Variants in MACROD2 observed in about 807,000 individuals in gnomAD.
The protein encoded by MACROD2 is mono-ADP ribosylhydrolase 2.
MACROD2 carries 36 observed loss-of-function variants against 70.4 expected under a neutral mutation model. The ratio of observed to expected loss-of-function variants is 0.51; its 90% CI spans 0.39 to 0.68. The LOEUF is 0.68. MACROD2 is among the 30% of genes least tolerant of loss of function. MACROD2 has a pLI of 0.00. For missense variants in MACROD2, 496 were observed against 538.4 expected, an observed-to-expected ratio of 0.92 and a Z score of 0.78; for synonymous variants, 172 against 178.8, an observed-to-expected ratio of 0.96 and a Z score of 0.30.
At chr20:14,078,638 C>T (rs1442767059) in intron 2 of MACROD2, among the ~76,000 whole-genome samples, 4 of 151,088 alleles carry the variant, frequency 2.6e-5, no homozygotes, top group African/African-American at 7.3e-5. Flanking sequence ...GAACTCCTGA[C>T]GTCAGGTGAT....
In MACROD2 at chr20:15,362,798, T is replaced by C. The variant is rs567296135; in HGVS notation, c.541-68607T>C. Among the ~76,000 whole-genome samples the C allele has an allele frequency of 2.0e-5, 3 of 152,228 alleles. No individual in the cohort carries two copies. The South Asian group carries it at 6.2e-4, about 32-fold the overall frequency. ...TTATTAAAAATTAGTCATTCTTGCATAATAAACAACCATTTAATCTGGTGA... is the reference window on the plus strand; with the variant it reads ...TTATTAAAAATTAGTCATTCTTGCACAATAAACAACCATTTAATCTGGTGA... On this transcript the variant is annotated intron_variant, in intron 6 of 17. Coordinates refer to ENST00000684519, the MANE Select transcript of MACROD2 (RefSeq NM_001351661.2).
chr20:14,970,584 A>T (rs111652356), intron 5 of MACROD2, among the ~76,000 whole-genome samples: 1 of 152,206 alleles, frequency 6.6e-6, no homozygotes, highest in Non-Finnish European at 1.5e-5. Context: ...TATGAAAACT[A>T]TGAATAATGT....
chr20:14,315,931 A>G (rs1006332218), intron 3 of MACROD2, among the ~76,000 whole-genome samples: 1 of 152,220 alleles, frequency 6.6e-6, no homozygotes, highest in Non-Finnish European at 1.5e-5. Context: ...TGTACTCTGA[A>G]TATAACATAA....
At chr20:14,911,498 C>A (rs982510896) in intron 5 of MACROD2, among the ~76,000 whole-genome samples, 1 of 152,050 alleles carries the variant, frequency 6.6e-6, no homozygotes, top group African/African-American at 2.4e-5. Flanking sequence ...CTGCCTCAGC[C>A]TCCCATGTAG....
intron 3 of MACROD2, among the ~76,000 whole-genome samples, chr20:14,394,206 A>G (rs2083557459): frequency 6.6e-6 from 1 of 152,164 alleles, no homozygotes; most frequent in Non-Finnish European, 1.5e-5. Flanking sequence ...TTTAAGGAAA[A>G]TTGACATCTT....
chr20:14,680,533 C>T (rs915494619), intron 4 of MACROD2, among the ~76,000 whole-genome samples: 1 of 152,018 alleles, frequency 6.6e-6, no homozygotes, highest in African/African-American at 2.4e-5. Flanking sequence ...ATTTTACCTG[C>T]CTGCTAGAAC....
intron 5 of MACROD2, among the ~76,000 whole-genome samples, chr20:15,214,835 C>T (rs2076795179): frequency 6.6e-6 from 1 of 152,152 alleles, no homozygotes; most frequent in Non-Finnish European, 1.5e-5. Context: ...CTATTGATAT[C>T]ATGTGCTGCG....
At chr20:16,041,047 C>A (rs1420597713) in intron 15 of MACROD2, among the ~76,000 whole-genome samples, 154 bp from the exon 16 acceptor site, 2 of 151,964 alleles carry the variant, frequency 1.3e-5, no homozygotes, top group Non-Finnish European at 2.9e-5. Context: ...GCAACTCAAC[C>A]CTCTGTTTCC....
rs572593088 is a variant in MACROD2, at chr20:15,857,675, A to T, written c.646-5070A>T. 9.8e-4 allele frequency among the ~76,000 whole-genome samples: 149 copies of T among 152,352 alleles called. 1 individual carries two copies. In the Middle Eastern group the frequency reaches 0.017, roughly 17 times the overall value. On this transcript the variant is annotated intron_variant, in intron 8 of 17. Coordinates refer to ENST00000684519, the MANE Select transcript of MACROD2 (RefSeq NM_001351661.2). Reference sequence around the variant, plus strand: ...TGGAAATTTCTCTGTGGCCAGCCCTAACCCAGAACCATTCAGAGAAATGCA... The same window carrying T: ...TGGAAATTTCTCTGTGGCCAGCCCTTACCCAGAACCATTCAGAGAAATGCA...
intron 2 of MACROD2, among the ~76,000 whole-genome samples, chr20:14,032,493 G>T (rs2053257429): frequency 6.6e-6 from 1 of 152,086 alleles, no homozygotes; most frequent in South Asian, 2.1e-4. Context: ...ATTTGCCAGT[G>T]GGGGGTAAAG....
chr20:14,265,247 C>T (rs1008362966), intron 3 of MACROD2, among the ~76,000 whole-genome samples: 1 of 152,124 alleles, frequency 6.6e-6, no homozygotes, highest in Non-Finnish European at 1.5e-5. Flanking sequence ...ATTCTTTCTA[C>T]ATTAGCATAG....
At chr20:14,237,443 T>C (rs1332336482) in intron 3 of MACROD2, among the ~76,000 whole-genome samples, 3 of 152,020 alleles carry the variant, frequency 2.0e-5, no homozygotes, top group East Asian at 3.9e-4. Context: ...AATTTCTCTT[T>C]CATAGTTTTT....
intron 5 of MACROD2, among the ~76,000 whole-genome samples, chr20:15,104,182 C>A (rs1018931596): frequency 1.3e-5 from 2 of 152,108 alleles, no homozygotes; most frequent in Non-Finnish European, 2.9e-5. Context: ...TAAAGTGGCT[C>A]TTGGGACGGA....
chr20:14,066,597 T>C (rs138390907), intron 2 of MACROD2, among the ~76,000 whole-genome samples: 1 of 152,310 alleles, frequency 6.6e-6, no homozygotes, highest in Non-Finnish European at 1.5e-5. Context: ...GTGTGTCTAA[T>C]GTATATGTAA....
intron 8 of MACROD2, among the ~76,000 whole-genome samples, chr20:15,774,652 G>T (rs561527289): frequency 6.6e-5 from 10 of 152,094 alleles, no homozygotes; most frequent in Non-Finnish European, 1.3e-4. Context: ...TGGCCAGGGA[G>T]GGGGAGGGCA....
chr20:15,662,280 C>T (rs1600726301), intron 8 of MACROD2, among the ~76,000 whole-genome samples: 1 of 152,160 alleles, frequency 6.6e-6, no homozygotes, highest in Non-Finnish European at 1.5e-5. Context: ...ATCAGTATCC[C>T]CGGGCACGGG....
At chr20:14,733,405 G>C (rs1051604560) in intron 5 of MACROD2, among the ~76,000 whole-genome samples, 1 of 152,020 alleles carries the variant, frequency 6.6e-6, no homozygotes, top group Non-Finnish European at 1.5e-5. Flanking sequence ...TCCTGCATAG[G>C]TTTTTAAATC....
At chr20:14,269,723 T>C (rs1465622503) in intron 3 of MACROD2, among the ~76,000 whole-genome samples, 1 of 152,116 alleles carries the variant, frequency 6.6e-6, no homozygotes, top group Non-Finnish European at 1.5e-5. Context: ...TTGAAGGATT[T>C]CTGTTAACAC....
At chr20:15,216,923 T>A (rs1300204165) in intron 5 of MACROD2, among the ~76,000 whole-genome samples, 1 of 152,124 alleles carries the variant, frequency 6.6e-6, no homozygotes, top group East Asian at 1.9e-4. Context: ...TTGAGAAAAA[T>A]TAATTTTGAA....
Sources: gnomAD v4.1 joint callset for allele counts (sites outside exome capture counted in the v4.1 genomes callset) on GRCh38, gnomAD v4.1.1 for gene constraint, MANE v1.5 for transcripts, NCBI Gene and HGNC (gene_info 2026-07-23, HGNC 2026-07-21) for gene names.